Variants in DNAH17 observed in about 807,000 individuals in gnomAD.
The protein encoded by DNAH17 is dynein axonemal heavy chain 17.
Under a neutral mutation model 485.6 loss-of-function variants are expected in DNAH17, and 376 were observed. The observed-to-expected ratio is 0.77, with a 90% CI of 0.71 to 0.84. The LOEUF (loss-of-function observed/expected upper bound fraction) is 0.84, where lower values mean the gene tolerates loss of function less well. DNAH17 is among the 40% of genes least tolerant of loss of function. DNAH17 has a pLI of 0.00. For synonymous variants in DNAH17, 3,031 were observed against 2,405.9 expected (o/e 1.26, Z -7.60); for missense variants, 6,370 against 5,839.3 (o/e 1.09, Z -2.96).
At chr17:78,432,714 C>T (rs2086718577) in intron 75 of DNAH17, among the ~76,000 whole-genome samples, 1 of 152,132 alleles carries the variant, frequency 6.6e-6, no homozygotes, top group Admixed American at 6.5e-5. Flanking sequence ...GCTTAGTGGC[C>T]CAGGTCTTGA....
At position 78,569,088 on chromosome 17, in the gene DNAH17, G is replaced by C; in HGVS notation, c.1284+78C>G. The C allele has an allele frequency of 2.6e-6, 3 of 1,136,322 alleles. No homozygotes were observed. The South Asian group carries it at 4.1e-5, about 16-fold the overall frequency. 70.4% of individuals were successfully genotyped at this position (1,136,322 alleles called of 1,614,324 possible). ...TGGGGGATTATTGGCAAGGGGGGTA[G>C]GGATGGACGCTGCAGGTGTCCTAGG... On this transcript the variant is annotated intron_variant, in intron 9 of 80. Transcript: ENST00000389840.
chr17:78,462,897 T>C lies in DNAH17; in HGVS notation c.9121A>G (p.Lys3041Glu). The change falls in exon 57 of 81, where the codon AAA (lysine) becomes GAA (glutamate). Residue 3041 changes from lysine to glutamate, a missense_variant. Coordinates refer to ENST00000389840, the MANE Select transcript of DNAH17 (RefSeq NM_173628.4). ...LAKKRTELVAKIERLENGLMK... is the reference protein window; with the variant it reads ...LAKKRTELVAEIERLENGLMK... ...AGGCCGTTCTCCAGCCTCTCGATTTTGGCAACAAGTTCCGTTCTCTTCTTG... is the reference window on the plus strand; with the variant it reads ...AGGCCGTTCTCCAGCCTCTCGATTTCGGCAACAAGTTCCGTTCTCTTCTTG... The C allele has an allele frequency of 6.2e-7, 1 of 1,613,976 alleles. No individual in the cohort carries two copies. Among genetic ancestry groups the C allele is most frequent in the Non-Finnish European group, 8.5e-7 (1 of 1,179,886 alleles).
At position 78,570,328 on chromosome 17, in the gene DNAH17, G is replaced by A; in HGVS notation, c.963C>T (p.Ile321=). 6.2e-7 allele frequency: 1 copy of A among 1,609,000 alleles called. No individual in the cohort carries two copies. Among genetic ancestry groups the A allele is most frequent in the Non-Finnish European group, 8.5e-7 (1 of 1,178,036 alleles). ...IAKVLDTICF[I]WATSEYYNTP... is the part of the protein sequence containing the mutation. Reference sequence around the variant, plus strand: ...TGTTATAGTACTCAGAGGTGGCCCAGATGAAGCAGATGGTGTCCAGCACCT... The same window carrying A: ...TGTTATAGTACTCAGAGGTGGCCCAAATGAAGCAGATGGTGTCCAGCACCT... Residue 321 remains isoleucine, a synonymous_variant, in exon 7 of 81, where the codon ATC becomes ATT. Transcript: ENST00000389840.
chr17:78,531,785 T>G (rs766847777), intron 20 of DNAH17, among the ~76,000 whole-genome samples: 1 of 152,246 alleles, frequency 6.6e-6, no homozygotes, highest in Non-Finnish European at 1.5e-5. Context: ...TATATTGGGG[T>G]TACCTTCATC....
In DNAH17 at chr17:78,510,756, C is replaced by CCCG. The variant is rs1459830388; in HGVS notation, c.4114-253_4114-251dup. The CCCG allele has an allele frequency of 5.7e-4, 243 of 423,418 alleles. 4 individuals carry two copies. The East Asian group carries it at 9.2e-3, about 16-fold the overall frequency. 26.2% of individuals were successfully genotyped at this position (423,418 alleles called of 1,614,324 possible). A position where few individuals can be genotyped will look rare whatever the true frequency, so the allele number is the denominator to read the frequency against. The stretch of plus-strand genomic sequence containing the variant: ...CTGCACTGGGCGGAATTGCGGCCCC[C>CCCG]CCGCAAAATTCACATCCGCCCAGAA... On this transcript the variant is annotated intron_variant, in intron 26 of 80. Coordinates refer to ENST00000389840, the MANE Select transcript of DNAH17 (RefSeq NM_173628.4).
rs144650355 is a variant in DNAH17 at position 78,472,058 on chromosome 17, C to T, written c.8512-3175G>A. Reference sequence around the variant, plus strand: ...ATCACTGTCAGCCAAGGACGGCAATCGTCACCTGTATCTAGGCCCGTCTAG... The same window carrying T: ...ATCACTGTCAGCCAAGGACGGCAATTGTCACCTGTATCTAGGCCCGTCTAG... On this transcript the variant is annotated intron_variant, in intron 54 of 80. Coordinates refer to ENST00000389840, the MANE Select transcript of DNAH17 (RefSeq NM_173628.4). 8.1e-4 allele frequency among the ~76,000 whole-genome samples: 123 copies of T among 152,308 alleles called. 1 individual carries two copies. The East Asian group carries it at 0.02, about 25-fold the overall frequency.
At position 78,494,438 on chromosome 17, in the gene DNAH17, C is replaced by A. The variant is rs1202770231; in HGVS notation, c.6270+155G>T. Among the ~76,000 whole-genome samples the A allele has an allele frequency of 4.6e-5, 7 of 152,210 alleles. No homozygotes were observed. The East Asian group carries it at 7.8e-4, about 17-fold the overall frequency. ...CCCAGCACTGACAGGGTGGGGCTGG[C>A]CAGGGCCACGGAGGCAGCTGTGGCT... On this transcript the variant is annotated intron_variant, in intron 40 of 80. Coordinates refer to ENST00000389840, the MANE Select transcript of DNAH17 (RefSeq NM_173628.4).
chr17:78,428,272 C>A (rs1350909177), intron 77 of DNAH17: 2 of 539,558 alleles, frequency 3.7e-6, no homozygotes, highest in Non-Finnish European at 6.7e-6. Context: ...GCTCTTGGAG[C>A]CGCATCCACA....
rs756677212 is a variant in DNAH17, at chr17:78,437,770, C to T, written c.11904G>A (p.Ala3968=). 1.4e-5 allele frequency: 23 copies of T among 1,612,540 alleles called. No individual in the cohort carries two copies. The highest frequency in any genetic ancestry group is 3.3e-5 in the Admixed American group (2 of 59,996). Reference sequence around the variant, plus strand: ...GGGTCTCGGGGCTGGGGGCAGGCTCCGCGCTGATGAACACCCGGTAGTCCT... The same window carrying T: ...GGGTCTCGGGGCTGGGGGCAGGCTCTGCGCTGATGAACACCCGGTAGTCCT... ...SHEDYRVFIS[A]EPAPSPETHI... is the part of the protein sequence containing the mutation. The change falls in exon 74 of 81, where the codon GCG becomes GCA. Residue 3968 remains alanine (A), a synonymous_variant. Coordinates refer to ENST00000389840, the MANE Select transcript of DNAH17 (RefSeq NM_173628.4).
chr17:78,528,847 G>A (rs1170483824), intron 22 of DNAH17, among the ~76,000 whole-genome samples: 1 of 151,990 alleles, frequency 6.6e-6, no homozygotes, highest in Non-Finnish European at 1.5e-5. Flanking sequence ...TCCCTCCCCA[G>A]GGTCCCCCTG....
At chr17:78,547,150 C>G (rs147128161) in intron 16 of DNAH17, among the ~76,000 whole-genome samples, 1 of 152,152 alleles carries the variant, frequency 6.6e-6, no homozygotes, top group Non-Finnish European at 1.5e-5. Flanking sequence ...TTAATTGGTT[C>G]CAAGCTCATT....
In DNAH17 at chr17:78,492,642, A is replaced by G; in HGVS notation, c.6532T>C (p.Trp2178Arg). Reference protein sequence around the residue: ...FGIINPVTREWKDGLFSTIMR... With the variant: ...FGIINPVTRERKDGLFSTIMR... ...GGACCACCCTCGTTACCATCTTTCC[A>G]TTCCCTGGTCACTGGGTTGATGATG... Residue 2178 changes from tryptophan to arginine, a missense_variant, in exon 42 of 81, where the codon TGG becomes CGG. Transcript: ENST00000389840. 1 of 1,613,582 alleles carries G rather than the reference A, an allele frequency of 6.2e-7. No homozygotes were observed. The highest frequency in any genetic ancestry group is 8.5e-7 in the Non-Finnish European group (1 of 1,179,766).
At chr17:78,502,747 C>A in intron 32 of DNAH17, 49 bp from the exon 33 acceptor site, 1 of 1,598,602 alleles carries the variant, frequency 6.3e-7, no homozygotes. Flanking sequence ...ATCGCTGGCG[C>A]CTGCTAACGC....
intron 15 of DNAH17, among the ~76,000 whole-genome samples, chr17:78,552,009 T>C (rs1206589059): frequency 6.6e-6 from 1 of 151,244 alleles, no homozygotes; most frequent in Non-Finnish European, 1.5e-5. Context: ...TTTTCTTGGG[T>C]TGGCTTAACA....
intron 72 of DNAH17, among the ~76,000 whole-genome samples, chr17:78,440,673 G>A (rs949306789): frequency 1.3e-5 from 2 of 152,162 alleles, no homozygotes; most frequent in African/African-American, 2.4e-5. Flanking sequence ...TCTGCCTTTT[G>A]GCTATTATGA....
chr17:78,565,905 G>A (rs562428917), intron 11 of DNAH17, among the ~76,000 whole-genome samples: 1 of 152,100 alleles, frequency 6.6e-6, no homozygotes, highest in Non-Finnish European at 1.5e-5. Context: ...TGCTGGGATT[G>A]TGCCACTACA....
At chr17:78,542,412 T>A (rs925366500) in intron 17 of DNAH17, among the ~76,000 whole-genome samples, 4 of 152,178 alleles carry the variant, frequency 2.6e-5, no homozygotes, top group African/African-American at 7.2e-5. Context: ...CCTCCCAAAG[T>A]GCTGGGACTA....
rs561724349 is a variant in DNAH17 at position 78,560,714 on chromosome 17, A to G, written c.2031+26T>C. 26 of 1,529,282 alleles carry G rather than the reference A, an allele frequency of 1.7e-5. No individual in the cohort carries two copies. In the African/African-American group the frequency reaches 2.6e-4, roughly 15 times the overall value. 94.7% of individuals were successfully genotyped at this position (1,529,282 alleles called of 1,614,324 possible). Reference sequence around the variant, plus strand: ...TCCCCCCGCTCCCAAGGAGCCTTTGACGCGGTCCCCACTCCTGGCACCCAC... The same window carrying G: ...TCCCCCCGCTCCCAAGGAGCCTTTGGCGCGGTCCCCACTCCTGGCACCCAC... On this transcript the variant is annotated intron_variant, in intron 13 of 80. Transcript: ENST00000389840.
At chr17:78,437,600 G>A in intron 74 of DNAH17, 41 bp downstream of exon 74, 2 of 1,517,590 alleles carry the variant, frequency 1.3e-6, no homozygotes, top group Non-Finnish European at 8.9e-7. Flanking sequence ...GCCAGGCCGT[G>A]GCATGGGATG....
Sources: gnomAD v4.1 joint callset for allele counts (sites outside exome capture counted in the v4.1 genomes callset) on GRCh38, gnomAD v4.1.1 for gene constraint, MANE v1.5 for transcripts, NCBI Gene and HGNC (gene_info 2026-07-23, HGNC 2026-07-21) for gene names.